RTKN2: variants seen among roughly 807,000 people sequenced by gnomAD.
The protein encoded by RTKN2 is rhotekin 2.
Under a neutral mutation model 71.5 loss-of-function variants are expected in RTKN2, and 69 were observed. The ratio of observed to expected loss-of-function variants is 0.96; its 90% confidence interval spans 0.79 to 1.18. The LOEUF is 1.18. Among genes scored for constraint, RTKN2 ranks in the 50% most tolerant of loss-of-function variants. The pLI, the probability that RTKN2 is intolerant of heterozygous loss-of-function variation, is 0.00. For synonymous variants in RTKN2, 236 were observed against 236.5 expected, an observed-to-expected ratio of 1.00 and a Z score of 0.02; for missense variants, 724 against 719.7, an observed-to-expected ratio of 1.01 and a Z score of -0.07.
intron 2 of RTKN2, among the ~76,000 whole-genome samples, chr10:62,261,637 C>A (rs775628960): frequency 6.6e-6 from 1 of 151,976 alleles, no homozygotes. Flanking sequence ...GGTGACAGAG[C>A]GAGACTCTGT....
Position 62,196,777 on chromosome 10 carries a change from T to C in RTKN2, c.*1131A>G, listed in dbSNP as rs1841340175. On this transcript the variant is annotated 3_prime_UTR_variant, in exon 12 of 12. Coordinates refer to ENST00000373789, the MANE Select transcript of RTKN2 (RefSeq NM_145307.4). ...AATTCTAATTAGATTTTTAAAACTG[T>C]TCTGCTCTTGTTTACAAAAAGCATT... 1.0e-6 allele frequency: 1 copy of C among 978,326 alleles called. No individual in the cohort carries two copies. Among genetic ancestry groups the C allele is most frequent in the African/African-American group, 1.8e-5 (1 of 57,100 alleles). The allele number at this position is 978,326 out of a possible 1,614,324, so 60.6% of individuals were successfully genotyped here.
chr10:62,243,027 C>T lies in RTKN2; in HGVS notation c.317-1832G>A, dbSNP rs373741001. Among the ~76,000 whole-genome samples, 38 of 151,862 alleles carry T rather than the reference C, an allele frequency of 2.5e-4. No individual in the cohort carries two copies. In the East Asian group the frequency reaches 3.1e-3, roughly 12 times the overall value. Reference sequence around the variant, plus strand: ...CTTTAAGTTTTAGGGTACATGTGCACGACGTGCAGGTTTGTTACATATGTA... The same window carrying T: ...CTTTAAGTTTTAGGGTACATGTGCATGACGTGCAGGTTTGTTACATATGTA... On this transcript the variant is annotated intron_variant, in intron 3 of 11. Coordinates refer to ENST00000373789, the MANE Select transcript of RTKN2 (RefSeq NM_145307.4).
downstream of RTKN2, among the ~76,000 whole-genome samples, chr10:62,192,363 A>G (rs1470471797): frequency 6.6e-6 from 1 of 152,220 alleles, no homozygotes; most frequent in African/African-American, 2.4e-5. Flanking sequence ...AAATGTCAAT[A>G]AAACATGCTT....
At chr10:62,262,166 A>G (rs1413560151) in intron 2 of RTKN2, among the ~76,000 whole-genome samples, 1 of 152,204 alleles carries the variant, frequency 6.6e-6, no homozygotes, top group East Asian at 1.9e-4. Context: ...TATGTTCACC[A>G]TATCAAGAGA....
At chr10:62,250,299 C>G (rs1842555887) in intron 2 of RTKN2, among the ~76,000 whole-genome samples, 1 of 152,140 alleles carries the variant, frequency 6.6e-6, no homozygotes, top group African/African-American at 2.4e-5. Flanking sequence ...GTAAGATACA[C>G]AAGAATGAGT....
At position 62,204,841 on chromosome 10, in the gene RTKN2, C is replaced by A. The variant is rs765959621; in HGVS notation, c.1186+16G>T. On this transcript the variant is annotated intron_variant, in intron 10 of 11. Coordinates refer to ENST00000373789, the MANE Select transcript of RTKN2 (RefSeq NM_145307.4). ...TACATAAATACACAACTAAAAAAATCCAAATATCTATTTACTAAGATCAAA... is the reference window on the plus strand; with the variant it reads ...TACATAAATACACAACTAAAAAAATACAAATATCTATTTACTAAGATCAAA... 26 of 1,529,178 alleles carry A rather than the reference C, an allele frequency of 1.7e-5. No individual in the cohort carries two copies. The African/African-American group carries it at 3.7e-4, about 22-fold the overall frequency. The allele number at this position is 1,529,178 out of a possible 1,614,324, so 94.7% of individuals were successfully genotyped here.
intron 6 of RTKN2, among the ~76,000 whole-genome samples, chr10:62,225,773 T>C (rs562220448): frequency 6.6e-6 from 1 of 151,024 alleles, no homozygotes; most frequent in South Asian, 2.1e-4. Flanking sequence ...GTAACAACTG[T>C]ATTTTCTTTT....
chr10:62,236,055 T>C lies in RTKN2; in HGVS notation c.686+11A>G. The C allele has an allele frequency of 6.3e-7, 1 of 1,575,418 alleles. No individual in the cohort carries two copies. The highest frequency in any genetic ancestry group is 2.2e-5 in the East Asian group (1 of 44,570). ...AATTATGTCACCATAAATACAGTAT[T>C]AAAAACTTACAAAACAGCAGAGCTG... On this transcript the variant is annotated intron_variant, in intron 6 of 11. Transcript: ENST00000373789.
Position 62,195,620 on chromosome 10 carries a change from AAGG to A in RTKN2, c.*2285_*2287del, listed in dbSNP as rs1841312139. ...GACAGAGGGAATGAAGGAAGGAAGG[AAGG>A]AAGGAAGGAAGGAAGGAAGGAAGGA... On this transcript the variant is annotated 3_prime_UTR_variant, in exon 12 of 12. Coordinates refer to ENST00000373789, the MANE Select transcript of RTKN2 (RefSeq NM_145307.4). 4.7e-5 allele frequency: 6 copies of A among 126,760 alleles called. No individual in the cohort carries two copies. The highest frequency in any genetic ancestry group is 7.8e-5 in the Non-Finnish European group (6 of 77,396). The allele number at this position is 126,760 out of a possible 1,614,324, so 7.9% of individuals were successfully genotyped here.
In RTKN2 at chr10:62,223,239, A is replaced by T. The variant is rs776748757; in HGVS notation, c.780T>A (p.Asn260Lys). Residue 260 changes from asparagine to lysine, a missense_variant and splice_region_variant, in exon 7 of 12, where the codon AAT becomes AAA. Transcript: ENST00000373789. The part of the protein sequence containing the change: ...FKTHNLSING[N>K]EESSFWLPLY... ...AAGTAAAATATATACTGTACTTACCATTTCCATTAATAGACAGATTATGGG... is the reference window on the plus strand; with the variant it reads ...AAGTAAAATATATACTGTACTTACCTTTTCCATTAATAGACAGATTATGGG... 3 of 1,566,136 alleles carry T rather than the reference A, an allele frequency of 1.9e-6. No individual in the cohort carries two copies. Among genetic ancestry groups the T allele is most frequent in the Admixed American group, 3.3e-5 (2 of 59,886 alleles).
intron 2 of RTKN2, among the ~76,000 whole-genome samples, chr10:62,246,626 T>C (rs1334571667): frequency 1.3e-5 from 2 of 152,084 alleles, no homozygotes; most frequent in African/African-American, 4.8e-5. Context: ...CAAACTAAGA[T>C]GAGAAACAGA....
chr10:62,247,909 A>G (rs927520664), intron 2 of RTKN2, among the ~76,000 whole-genome samples: 3 of 152,096 alleles, frequency 2.0e-5, no homozygotes, highest in African/African-American at 7.2e-5. Flanking sequence ...AAATATAGTG[A>G]ATAACTTAAG....
chr10:62,238,076 A>G (rs1842293863), intron 5 of RTKN2: 2 of 151,912 alleles, frequency 1.3e-5, no homozygotes, highest in African/African-American at 4.8e-5. Flanking sequence ...AGTTTCAGAG[A>G]TTTAAAAAAT....
At position 62,197,496 on chromosome 10, in the gene RTKN2, T is replaced by C. The variant is rs1043275876; in HGVS notation, c.*412A>G. On this transcript the variant is annotated 3_prime_UTR_variant, in exon 12 of 12. Coordinates refer to ENST00000373789, the MANE Select transcript of RTKN2 (RefSeq NM_145307.4). ...ATAATTTGTGGTTTGAATAAAACCT[T>C]TGAAACATTCCATTAGTATTAAAAT... 5 of 988,138 alleles carry C rather than the reference T, an allele frequency of 5.1e-6. No homozygotes were observed. Among genetic ancestry groups the C allele is most frequent in the South Asian group, 4.7e-5 (1 of 21,432 alleles). 61.2% of individuals were successfully genotyped at this position (988,138 alleles called of 1,614,324 possible).
At chr10:62,208,612 T>C (rs1022913402) in intron 9 of RTKN2, among the ~76,000 whole-genome samples, 1 of 152,136 alleles carries the variant, frequency 6.6e-6, no homozygotes, top group South Asian at 2.1e-4. Context: ...CTGTGAAAGA[T>C]GGTAGGAAAC....
At position 62,195,085 on chromosome 10, in the gene RTKN2, A is replaced by T; in HGVS notation, c.*2823T>A. On this transcript the variant is annotated 3_prime_UTR_variant, in exon 12 of 12. Coordinates refer to ENST00000373789, the MANE Select transcript of RTKN2 (RefSeq NM_145307.4). ...AATACAAAAGTTACCACTTAGTAGC[A>T]ATTAAAAATAATACTATCTTAATGC... 1 of 983,056 alleles carries T rather than the reference A, an allele frequency of 1.0e-6. No individual in the cohort carries two copies. Among genetic ancestry groups the T allele is most frequent in the Non-Finnish European group, 1.2e-6 (1 of 827,758 alleles). 60.9% of individuals were successfully genotyped at this position (983,056 alleles called of 1,614,324 possible).
At position 62,197,685 on chromosome 10, in the gene RTKN2, C is replaced by T; in HGVS notation, c.*223G>A. The T allele has an allele frequency of 1.5e-6, 2 of 1,340,582 alleles. No individual in the cohort carries two copies. Among genetic ancestry groups the T allele is most frequent in the South Asian group, 4.0e-5 (2 of 50,556 alleles). 83.0% of individuals were successfully genotyped at this position (1,340,582 alleles called of 1,614,324 possible). A position where few individuals can be genotyped will look rare whatever the true frequency, so the allele number is the denominator to read the frequency against. ...CAACAATTAGGATATTGTCTAGAAA[C>T]TGCCTCTTGCACACTGCTGGAGAAA... On this transcript the variant is annotated 3_prime_UTR_variant, in exon 12 of 12. Coordinates refer to ENST00000373789, the MANE Select transcript of RTKN2 (RefSeq NM_145307.4).
At chr10:62,230,036 C>T (rs1564514809) in intron 6 of RTKN2, among the ~76,000 whole-genome samples, 2 of 152,066 alleles carry the variant, frequency 1.3e-5, no homozygotes, top group African/African-American at 4.8e-5. Flanking sequence ...TCTAAATATC[C>T]CCCAAAGCTA....
intron 3 of RTKN2, 123 bp from the exon 4 acceptor site, chr10:62,241,318 T>C: frequency 1.7e-6 from 1 of 586,712 alleles, no homozygotes; most frequent in Non-Finnish European, 3.0e-6. Context: ...AGTGTTATTA[T>C]TTAACAGCAC....
Sources: allele counts gnomAD v4.1 joint callset (sites outside exome capture counted in the v4.1 genomes callset), GRCh38; gene constraint gnomAD v4.1.1; transcripts MANE v1.5; gene names NCBI Gene and HGNC (gene_info 2026-07-23, HGNC 2026-07-21).